LDLRAD4: variants seen among roughly 807,000 people sequenced by gnomAD.
LDLRAD4 encodes low-density lipoprotein receptor class A domain-containing protein 4.
A neutral mutation model predicts 17.0 loss-of-function variants in LDLRAD4; 5 were observed. The ratio of observed to expected loss-of-function variants is 0.29; its 90% CI spans 0.15 to 0.62. LDLRAD4 has a LOEUF of 0.62. Ranked by LOEUF, LDLRAD4 falls within the 20% of genes least tolerant of loss-of-function variation. The pLI is 0.84. For synonymous variants in LDLRAD4, 168 were observed against 171.8 expected, an observed-to-expected ratio of 0.98 and a Z score of 0.17; for missense variants, 340 against 424.7, an observed-to-expected ratio of 0.80 and a Z score of 1.75.
intron 3 of LDLRAD4, among the ~76,000 whole-genome samples, chr18:13,580,408 T>C (rs1371736999): frequency 6.6e-6 from 1 of 152,246 alleles, no homozygotes; most frequent in Admixed American, 6.5e-5. Flanking sequence ...TCTGTGCCTG[T>C]CAGGTGGCAG....
intron 3 of LDLRAD4, among the ~76,000 whole-genome samples, chr18:13,562,646 A>G (rs1220895474): frequency 6.6e-6 from 1 of 152,162 alleles, no homozygotes; most frequent in African/African-American, 2.4e-5. Context: ...CATCGTCCCT[A>G]ATGGCCCAGC....
intron 3 of LDLRAD4, among the ~76,000 whole-genome samples, chr18:13,556,945 T>C (rs960315512): frequency 6.6e-6 from 1 of 152,142 alleles, no homozygotes; most frequent in Non-Finnish European, 1.5e-5. Context: ...ATATTAGCAA[T>C]GCATGGTGAT....
intron 3 of LDLRAD4, among the ~76,000 whole-genome samples, chr18:13,602,493 A>ATTTTTT (rs36122294): frequency 1.1e-5 from 1 of 95,000 alleles, no homozygotes; most frequent in South Asian, 3.6e-4. Flanking sequence ...ATGGCATTTA[A>ATTTTTT]TTTTTTTTTT....
chr18:13,581,520 CA>C (rs1444039241), intron 3 of LDLRAD4, among the ~76,000 whole-genome samples: 7 of 152,290 alleles, frequency 4.6e-5, no homozygotes, highest in Non-Finnish European at 7.4e-5. Context: ...GGGACTCATG[CA>C]GTTATAAAAA....
chr18:13,650,064 A>G, exon 6 of LDLRAD4: 1 of 398,600 alleles, frequency 2.5e-6, no homozygotes, highest in Non-Finnish European at 4.4e-6. Flanking sequence ...CGCCATTTCC[A>G]CCACCGCCAG....
intron 1 of LDLRAD4, among the ~76,000 whole-genome samples, chr18:13,386,319 T>C (rs2085792623): frequency 2.0e-5 from 3 of 152,222 alleles, no homozygotes; most frequent in African/African-American, 4.8e-5. Context: ...TTATGTTTAA[T>C]GGAACATTAA....
chr18:13,309,294 G>A (rs1166065235), intron 1 of LDLRAD4, among the ~76,000 whole-genome samples: 6 of 152,156 alleles, frequency 3.9e-5, no homozygotes, highest in South Asian at 2.1e-4. Context: ...GTGGCTTCGC[G>A]TACTGGTAAT....
chr18:13,236,952 G>A (rs937904361), intron 1 of LDLRAD4, among the ~76,000 whole-genome samples: 4 of 152,206 alleles, frequency 2.6e-5, no homozygotes, highest in African/African-American at 9.7e-5. Flanking sequence ...TTCCATAAGG[G>A]ACTGTGCTTG....
At chr18:13,518,126 G>C (rs578119542) in intron 3 of LDLRAD4, among the ~76,000 whole-genome samples, 41 of 152,268 alleles carry the variant, frequency 2.7e-4, no homozygotes, top group Non-Finnish European at 4.3e-4. Context: ...TGGAAAACTC[G>C]CAGATTTTCA....
At chr18:13,236,761 A>T (rs1436513398) in intron 1 of LDLRAD4, among the ~76,000 whole-genome samples, 1 of 152,078 alleles carries the variant, frequency 6.6e-6, no homozygotes, top group Admixed American at 6.6e-5. Context: ...CTGGTGTTCC[A>T]TGTCGGACTT....
chr18:13,405,804 G>A (rs541114794), intron 2 of LDLRAD4, among the ~76,000 whole-genome samples: 5 of 152,222 alleles, frequency 3.3e-5, no homozygotes, highest in Non-Finnish European at 7.4e-5. Context: ...GAGCTCTGGC[G>A]TGCAGGGCCC....
At chr18:13,303,411 G>GT (rs1186259999) in intron 1 of LDLRAD4, among the ~76,000 whole-genome samples, 9 of 151,906 alleles carry the variant, frequency 5.9e-5, no homozygotes, top group Admixed American at 3.9e-4. Context: ...ATGCCAGCTA[G>GT]TTTTTTTTGT....
intron 3 of LDLRAD4, among the ~76,000 whole-genome samples, chr18:13,459,629 C>T (rs528574383): frequency 6.6e-6 from 1 of 152,242 alleles, no homozygotes; most frequent in Admixed American, 6.5e-5. Context: ...GTAATCTGCC[C>T]ACCTCAGCCT....
intron 1 of LDLRAD4, among the ~76,000 whole-genome samples, chr18:13,250,952 A>G (rs2043196538): frequency 6.6e-6 from 1 of 152,244 alleles, no homozygotes; most frequent in South Asian, 2.1e-4. Flanking sequence ...AATATTCTTG[A>G]TGAATATAGA....
chr18:13,324,286 T>G (rs1188236913), intron 1 of LDLRAD4, among the ~76,000 whole-genome samples: 1 of 150,372 alleles, frequency 6.7e-6, no homozygotes, highest in Non-Finnish European at 1.5e-5. Flanking sequence ...TACAGGTGCC[T>G]GCCACCACAC....
chr18:13,531,465 G>T (rs1404334828), intron 3 of LDLRAD4, among the ~76,000 whole-genome samples: 1 of 148,726 alleles, frequency 6.7e-6, no homozygotes, highest in Non-Finnish European at 1.5e-5. Context: ...AAAAAAATAG[G>T]TAGCCTCCCA....
At chr18:13,439,185 C>A (rs1200827844) in intron 3 of LDLRAD4, among the ~76,000 whole-genome samples, 1 of 152,026 alleles carries the variant, frequency 6.6e-6, no homozygotes, top group East Asian at 1.9e-4. Context: ...GTTTTACTGA[C>A]ATTATTTTGA....
Position 13,431,137 on chromosome 18 carries a change from T to TA in LDLRAD4, c.41-7107_41-7106insA, listed in dbSNP as rs1267607685. Among the ~76,000 whole-genome samples the TA allele has an allele frequency of 2.0e-5, 3 of 152,204 alleles. No homozygotes were observed. The East Asian group carries it at 5.8e-4, about 29-fold the overall frequency. ...ATTTTTATTGTGCCTGATTATAAAA[T>TA]CATATATAAAATCCACAAGAAACTT... On this transcript the variant is annotated intron_variant, in intron 2 of 5. Transcript: ENST00000359446.
chr18:13,572,036 C>T (rs1036348819), intron 3 of LDLRAD4, among the ~76,000 whole-genome samples: 1 of 152,168 alleles, frequency 6.6e-6, no homozygotes, highest in African/African-American at 2.4e-5. Context: ...AAGTCCCCCC[C>T]TTAACATTGT....
Sources: gnomAD v4.1 joint callset for allele counts (sites outside exome capture counted in the v4.1 genomes callset) on GRCh38, gnomAD v4.1.1 for gene constraint, MANE v1.5 for transcripts, NCBI Gene and HGNC (gene_info 2026-07-23, HGNC 2026-07-21) for gene names.